The following ROS1 variants were observed in gnomAD, a reference collection of about 807,000 sequenced individuals.
ROS1 encodes the protein proto-oncogene tyrosine-protein kinase ROS.
ROS1 carries 263 observed loss-of-function variants against 273.5 expected under a neutral mutation model. That is an observed-to-expected ratio of 0.96 (90% CI 0.87 to 1.06). ROS1 has a LOEUF of 1.06. Among genes scored for constraint, ROS1 ranks in the 50% least tolerant of loss-of-function variants. The probability of loss-of-function intolerance (pLI) is 0.00; values close to 1 mark genes in which losing one functional copy is unlikely to be tolerated. For synonymous variants in ROS1, 1,008 were observed against 954.1 expected (o/e 1.06, Z -1.04); for missense variants, 2,833 against 2,751.1 (o/e 1.03, Z -0.67).
At chr6:117,334,121 T>C (rs1777293964) in intron 32 of ROS1, among the ~76,000 whole-genome samples, 1 of 152,184 alleles carries the variant, frequency 6.6e-6, no homozygotes, top group Non-Finnish European at 1.5e-5. Flanking sequence ...AAAAACTTCT[T>C]GAACTGATAA....
rs1484121618 is a variant in ROS1, at chr6:117,321,365, T to C, written c.5653A>G (p.Ser1885Gly). 6.2e-7 allele frequency: 1 copy of C among 1,612,434 alleles called. No individual in the cohort carries two copies. The highest frequency in any genetic ancestry group is 8.5e-7 in the Non-Finnish European group (1 of 1,179,370). ...VWHRRLKNQK[S>G]AKEGVTVLIN... Reference sequence around the variant, plus strand: ...AGCACTGTCACCCCTTCCTTGGCACTTTTTTGATTCTTTAATCTTCTATGC... The same window carrying C: ...AGCACTGTCACCCCTTCCTTGGCACCTTTTTGATTCTTTAATCTTCTATGC... The change falls in exon 36 of 44, where the codon AGT (serine) becomes GGT (glycine). Residue 1885 changes from serine to glycine, a missense_variant. Coordinates refer to ENST00000368507, the MANE Select transcript of ROS1 (RefSeq NM_001378902.1).
At position 117,385,824 on chromosome 6, in the gene ROS1, G is replaced by A. The variant is rs1327024814; in HGVS notation, c.2148C>T (p.Asp716=). The part of the protein sequence containing the change: ...DWYNNSLYYS[D]TKGDVFVWLL... ...GCCACACAAAAACGTCGCCTTTCGT[G>A]TCACTGTAGTAGAGGCTGTTGTTAT... Residue 716 remains aspartate (D), a synonymous_variant, in exon 16 of 44, where the codon GAC becomes GAT. Transcript: ENST00000368507. 6.2e-7 allele frequency: 1 copy of A among 1,614,156 alleles called. No individual in the cohort carries two copies. The highest frequency in any genetic ancestry group is 1.3e-5 in the African/African-American group (1 of 75,034).
intron 31 of ROS1, among the ~76,000 whole-genome samples, chr6:117,339,327 C>T (rs191280026): frequency 7.3e-4 from 111 of 152,202 alleles, no homozygotes; most frequent in African/African-American, 2.5e-3. Context: ...TGATCTAGAT[C>T]GAAACTTCAT....
intron 17 of ROS1, among the ~76,000 whole-genome samples, chr6:117,380,510 C>A (rs1247918926): frequency 2.1e-5 from 3 of 142,094 alleles, no homozygotes; most frequent in African/African-American, 7.9e-5. Flanking sequence ...TTTTTTTTTT[C>A]AGTTAAAAAG....
At chr6:117,385,559 C>A in intron 16 of ROS1, 124 bp downstream of exon 16, 8 of 825,282 alleles carry the variant, frequency 9.7e-6, no homozygotes, top group East Asian at 2.5e-5. Flanking sequence ...TAAAGATAAA[C>A]ATTAAATAAA....
At chr6:117,378,947 C>T in intron 18 of ROS1, 112 bp downstream of exon 18, 1 of 667,890 alleles carries the variant, frequency 1.5e-6, no homozygotes, top group Non-Finnish European at 2.6e-6. Flanking sequence ...GCCTGCAACA[C>T]AGTGGATAAC....
intron 2 of ROS1, among the ~76,000 whole-genome samples, chr6:117,416,625 G>T (rs1775357259): frequency 6.6e-6 from 1 of 152,154 alleles, no homozygotes; most frequent in African/African-American, 2.4e-5. Flanking sequence ...CGTACACTGG[G>T]TAGTTGTCAA....
chr6:117,290,622 A>G (rs921915817), intron 43 of ROS1, among the ~76,000 whole-genome samples: 2 of 152,108 alleles, frequency 1.3e-5, no homozygotes, highest in Non-Finnish European at 2.9e-5. Flanking sequence ...ACAGCAGAGG[A>G]GCATTTAGAT....
chr6:117,368,511 ATC>A (rs1279997209), intron 18 of ROS1, among the ~76,000 whole-genome samples: 2 of 152,202 alleles, frequency 1.3e-5, no homozygotes, highest in East Asian at 3.9e-4. Context: ...AGTTTATCTC[ATC>A]TCTACTACAG....
At chr6:117,289,564 C>CTACA (rs1428574532) in intron 43 of ROS1, among the ~76,000 whole-genome samples, 16 of 152,192 alleles carry the variant, frequency 1.1e-4, no homozygotes, top group African/African-American at 3.6e-4. Flanking sequence ...AACGTATGAA[C>CTACA]TACATCCCTT....
At chr6:117,396,699 A>G (rs775441641) in intron 8 of ROS1, among the ~76,000 whole-genome samples, 3 of 152,204 alleles carry the variant, frequency 2.0e-5, no homozygotes, top group Non-Finnish European at 4.4e-5. Flanking sequence ...TATCCTCTGA[A>G]TATAATAGAA....
At chr6:117,420,698 G>C (rs1053705704) in intron 1 of ROS1, among the ~76,000 whole-genome samples, 1 of 151,766 alleles carries the variant, frequency 6.6e-6, no homozygotes, top group African/African-American at 2.4e-5. Context: ...AAAGTTACCT[G>C]TGCCATCTAA....
chr6:117,342,898 T>G (rs957166487), intron 28 of ROS1, among the ~76,000 whole-genome samples: 2 of 152,148 alleles, frequency 1.3e-5, no homozygotes, highest in African/African-American at 4.8e-5. Flanking sequence ...AAAATATTTT[T>G]ATAGTATCTA....
At chr6:117,298,243 AT>A (rs1484962652) in intron 43 of ROS1, among the ~76,000 whole-genome samples, 1 of 152,150 alleles carries the variant, frequency 6.6e-6, no homozygotes, top group Non-Finnish European at 1.5e-5. Flanking sequence ...TGAATAAGAA[AT>A]TACTTAATGG....
intron 32 of ROS1, among the ~76,000 whole-genome samples, chr6:117,334,834 T>C (rs187598862): frequency 3.0e-4 from 45 of 152,162 alleles, no homozygotes; most frequent in African/African-American, 9.6e-4. Flanking sequence ...TTATACAAAA[T>C]TTAACTCAAG....
chr6:117,394,374 A>G, intron 10 of ROS1, 28 bp from the exon 11 acceptor site: 1 of 1,502,604 alleles, frequency 6.7e-7, no homozygotes, highest in Non-Finnish European at 8.8e-7. Context: ...GTGCACACAC[A>G]TTATTATATA....
At chr6:117,306,603 G>T (rs985129080) in intron 42 of ROS1, among the ~76,000 whole-genome samples, 12 of 152,118 alleles carry the variant, frequency 7.9e-5, no homozygotes, top group Admixed American at 6.6e-5. Flanking sequence ...AGCTATCTAT[G>T]GGCTCACCTG....
chr6:117,409,698 T>G, intron 4 of ROS1, 56 bp from the exon 5 acceptor site: 2 of 1,392,844 alleles, frequency 1.4e-6, no homozygotes, highest in Non-Finnish European at 2.0e-6. Flanking sequence ...GTTTTGCTGA[T>G]AAGCTTCAAC....
intron 43 of ROS1, among the ~76,000 whole-genome samples, chr6:117,291,115 T>C (rs1239717963): frequency 6.6e-6 from 1 of 152,224 alleles, no homozygotes; most frequent in Non-Finnish European, 1.5e-5. Context: ...CAAACTCAAT[T>C]ATCAATTTAG....
Sources: allele counts gnomAD v4.1 joint callset (sites outside exome capture counted in the v4.1 genomes callset), GRCh38; gene constraint gnomAD v4.1.1; transcripts MANE v1.5; gene names NCBI Gene and HGNC (gene_info 2026-07-23, HGNC 2026-07-21).